SLC5A4: variants seen among roughly 807,000 people sequenced by gnomAD.
SLC5A4 encodes the protein probable glucose sensor protein SLC5A4.
SLC5A4 carries 55 observed loss-of-function variants against 70.3 expected under a neutral mutation model. The ratio of observed to expected loss-of-function variants is 0.78; its 90% CI spans 0.63 to 0.98. The LOEUF is 0.98. Ranked by LOEUF, SLC5A4 falls within the 50% of genes least tolerant of loss-of-function variation. The probability of loss-of-function intolerance (pLI) is 0.00; values close to 1 mark genes in which losing one functional copy is unlikely to be tolerated. For missense variants in SLC5A4, 735 were observed against 839.2 expected (o/e 0.88, Z 1.53); for synonymous variants, 268 against 305.7 (o/e 0.88, Z 1.29).
chr22:32,331,393 G>A, the SLC5A4 span, among the ~76,000 whole-genome samples: 104 of 152,082 alleles, frequency 6.8e-4, 1 homozygote, highest in Non-Finnish European at 2.8e-4. Flanking sequence ...AAATGGCCGT[G>A]CTCTGCAAAC....
At chr22:32,242,279 G>A (rs187958193) in intron 5 of SLC5A4, among the ~76,000 whole-genome samples, 31 of 152,262 alleles carry the variant, frequency 2.0e-4, no homozygotes, top group African/African-American at 7.2e-4. Flanking sequence ...ACTGGAGCAG[G>A]GCTGGTACAA....
chr22:32,228,961 A>G (rs1569368304), intron 11 of SLC5A4, among the ~76,000 whole-genome samples: 1 of 152,216 alleles, frequency 6.6e-6, no homozygotes, highest in South Asian at 2.1e-4. Context: ...GGAAGAAATA[A>G]GAGCCATTCA....
the SLC5A4 span, among the ~76,000 whole-genome samples, chr22:32,277,922 A>G: frequency 6.6e-6 from 1 of 152,208 alleles, no homozygotes; most frequent in African/African-American, 2.4e-5. Context: ...AAATTGAATT[A>G]GGCAACTCAT....
chr22:32,303,921 G>A, the SLC5A4 span, among the ~76,000 whole-genome samples: 1 of 152,184 alleles, frequency 6.6e-6, no homozygotes, highest in African/African-American at 2.4e-5. Context: ...CCACAGCAGT[G>A]AATGAGAGCT....
At chr22:32,231,114 A>ATT (rs1925738138) in intron 9 of SLC5A4, 39 bp from the exon 10 acceptor site, 1 of 1,248,158 alleles carries the variant, frequency 8.0e-7, no homozygotes, top group African/African-American at 1.5e-5. Flanking sequence ...TGAGGCCCAA[A>ATT]TAGGCAAAAC....
the SLC5A4 span, among the ~76,000 whole-genome samples, chr22:32,319,334 C>T: frequency 6.6e-6 from 1 of 152,022 alleles, no homozygotes; most frequent in South Asian, 2.1e-4. Flanking sequence ...TCGACTCACA[C>T]TGGAACTCAC....
the SLC5A4 span, chr22:32,269,663 G>T: frequency 3.4e-6 from 2 of 592,088 alleles, no homozygotes; most frequent in Non-Finnish European, 6.6e-6. The surrounding 1 kb of genome is among the most constrained non-coding windows in gnomAD (Gnocchi z 4.1). Flanking sequence ...TCGTCAGCTC[G>T]CTGTTATACC....
chr22:32,300,615 G>A, the SLC5A4 span, among the ~76,000 whole-genome samples: 3,995 of 151,334 alleles, frequency 0.026, 141 homozygotes, highest in African/African-American at 0.085. Context: ...GAAATCACCT[G>A]TCTTCTGCGT....
rs746138205 is a variant in SLC5A4 at position 32,254,129 on chromosome 22, T to G, written c.207+13A>C. ...ACAGGAAATTTATCTCCAGAAAACT[T>G]CGATCCACTTACCGGCCACCAGGCC... On this transcript the variant is annotated intron_variant, in intron 2 of 14. Transcript: ENST00000266086. 5.0e-6 allele frequency: 8 copies of G among 1,609,310 alleles called. No homozygotes were observed. In the African/African-American group the frequency reaches 8.0e-5, roughly 16 times the overall value.
At chr22:32,312,220 T>C in the SLC5A4 span, among the ~76,000 whole-genome samples, 2 of 152,238 alleles carry the variant, frequency 1.3e-5, no homozygotes, top group East Asian at 3.9e-4. Flanking sequence ...ACCCTGTGCT[T>C]AGCAAGAAGC....
At chr22:32,279,512 C>T in the SLC5A4 span, among the ~76,000 whole-genome samples, 1 of 151,802 alleles carries the variant, frequency 6.6e-6, no homozygotes, top group Admixed American at 6.6e-5. Flanking sequence ...AGTGTAGGGC[C>T]GGATGTGGTG....
chr22:32,301,320 C>T, the SLC5A4 span, among the ~76,000 whole-genome samples: 3 of 152,170 alleles, frequency 2.0e-5, no homozygotes, highest in African/African-American at 4.8e-5. Flanking sequence ...TAACATTTTA[C>T]AGCCCCACCA....
At chr22:32,235,728 C>A (rs1157563353) in intron 7 of SLC5A4, among the ~76,000 whole-genome samples, 1 of 151,310 alleles carries the variant, frequency 6.6e-6, no homozygotes, top group Non-Finnish European at 1.5e-5. Context: ...TGTGATTGCC[C>A]TTAGAAAGCT....
chr22:32,325,752 C>A, the SLC5A4 span, among the ~76,000 whole-genome samples: 3 of 152,256 alleles, frequency 2.0e-5, no homozygotes. Flanking sequence ...GGGGTGGGGA[C>A]CACTAGTCCC....
At chr22:32,333,206 C>CGCA in the SLC5A4 span, among the ~76,000 whole-genome samples, 1 of 150,386 alleles carries the variant, frequency 6.6e-6, no homozygotes, top group Non-Finnish European at 1.5e-5. Flanking sequence ...ACCCCCCCCC[C>CGCA]AGAAGACTCA....
At chr22:32,342,620 A>G in the SLC5A4 span, among the ~76,000 whole-genome samples, 1 of 152,190 alleles carries the variant, frequency 6.6e-6, no homozygotes, top group Non-Finnish European at 1.5e-5. Context: ...CAATACTTAG[A>G]AGTAATTTAC....
At chr22:32,322,366 G>A in the SLC5A4 span, among the ~76,000 whole-genome samples, 1 of 152,112 alleles carries the variant, frequency 6.6e-6, no homozygotes. Context: ...GAGGTGGGTG[G>A]ATCACGAGGT....
intron 13 of SLC5A4, 47 bp from the exon 14 acceptor site, chr22:32,221,069 G>A (rs1462294496): frequency 8.2e-7 from 1 of 1,225,178 alleles, no homozygotes; most frequent in Admixed American, 1.7e-5. Context: ...GCAAATGTTT[G>A]CAATAGTATA....
At chr22:32,263,481 A>G in the SLC5A4 span, among the ~76,000 whole-genome samples, 3 of 152,214 alleles carry the variant, frequency 2.0e-5, no homozygotes, top group African/African-American at 7.2e-5. Context: ...GAGAAATGCA[A>G]ACCAAAACCA....
Sources: allele counts gnomAD v4.1 joint callset (sites outside exome capture counted in the v4.1 genomes callset), GRCh38; gene constraint gnomAD v4.1.1; non-coding constraint Gnocchi (gnomAD v3.1); transcripts MANE v1.5; gene names NCBI Gene and HGNC (gene_info 2026-07-23, HGNC 2026-07-21).